Variants in PLCG1 observed in about 807,000 individuals in gnomAD.
PLCG1 encodes the protein phospholipase C gamma 1, also known as 1-phosphatidylinositol 4,5-bisphosphate phosphodiesterase gamma-1.
PLCG1 carries 71 observed loss-of-function variants against 177.8 expected under a neutral mutation model. The observed-to-expected ratio is 0.40, with a 90% CI of 0.33 to 0.49. The LOEUF (loss-of-function observed/expected upper bound fraction) is 0.49, where lower values mean the gene tolerates loss of function less well. PLCG1 is among the 20% of genes least tolerant of loss of function. The pLI is 0.72. For missense variants in PLCG1, 1,281 were observed against 1,709.0 expected, an observed-to-expected ratio of 0.75 and a Z score of 4.42; for synonymous variants, 658 against 647.9, an observed-to-expected ratio of 1.02 and a Z score of -0.24.
In PLCG1 at chr20:41,165,806, C is replaced by T. The variant is rs145745335; in HGVS notation, c.1779C>T (p.Gly593=). Residue 593 remains glycine (G), a synonymous_variant, in exon 16 of 32, where the codon GGC becomes GGT. Transcript: ENST00000685551. The surrounding 1 kb of genome is among the most constrained non-coding windows in gnomAD (Gnocchi z 6.6). ...FLVRESETFV[G]DYTLSFWRNG... is the part of the protein sequence containing the mutation. Reference sequence around the variant, plus strand: ...TGCGAGAGAGTGAGACCTTCGTGGGCGACTACACGCTCTCTTTCTGGTAAC... The same window carrying T: ...TGCGAGAGAGTGAGACCTTCGTGGGTGACTACACGCTCTCTTTCTGGTAAC... 227 of 1,589,854 alleles carry T rather than the reference C, an allele frequency of 1.4e-4. 1 individual carries two copies. The highest frequency in any genetic ancestry group is 8.3e-4 in the Middle Eastern group (5 of 5,992).
In PLCG1 at chr20:41,147,993, T is replaced by A. The variant is rs938005098; in HGVS notation, c.217+10135T>A. ...AGCAAAAAGGGAACAGGAGAGTGGC[T>A]TGGCTTGGGCTGGCATGGCGCAAAG... On this transcript the variant is annotated intron_variant, in intron 1 of 31. Transcript: ENST00000685551. This position sits in a 1 kb window ranked among gnomAD's most constrained non-coding sequence, Gnocchi z 4.0. Among the ~76,000 whole-genome samples, 5 of 152,062 alleles carry A rather than the reference T, an allele frequency of 3.3e-5. No individual in the cohort carries two copies. Among genetic ancestry groups the A allele is most frequent in the African/African-American group, 1.2e-4 (5 of 41,382 alleles).
intron 1 of PLCG1, among the ~76,000 whole-genome samples, chr20:41,138,494 T>C (rs1233086887): frequency 6.6e-6 from 1 of 151,652 alleles, no homozygotes; most frequent in Non-Finnish European, 1.5e-5. Flanking sequence ...TTTTTTTTTT[T>C]TCTGCTACTT....
rs781256647 is a variant in PLCG1, at chr20:41,174,242, A to G, written c.3764A>G (p.Gln1255Arg). The change falls in exon 31 of 32, where the codon CAG becomes CGG. Residue 1255 changes from glutamine to arginine, a missense_variant. This residue lies in a region of PLCG1 where 153 missense variants were observed against 153.2 expected (regional missense o/e 1.00). Transcript: ENST00000685551. This position sits in a 1 kb window ranked among gnomAD's most constrained non-coding sequence, Gnocchi z 5.8. ...GAAGGCTCCTTTGAATCCCGCTACC[A>G]GCAGCCGTTTGAGGACTTCCGCATC... Reference protein sequence around the residue: ...AREGSFESRYQQPFEDFRISQ... With the variant: ...AREGSFESRYRQPFEDFRISQ... The G allele has an allele frequency of 6.2e-7, 1 of 1,614,196 alleles. No individual in the cohort carries two copies. Among genetic ancestry groups the G allele is most frequent in the Non-Finnish European group, 8.5e-7 (1 of 1,180,032 alleles).
Position 41,170,212 on chromosome 20 carries a change from G to A in PLCG1, c.2751G>A (p.Glu917=), listed in dbSNP as rs769884453. ...TGGATGTTGCTGCCGACTCACAGGAGGAGCTGCAGGACTGGGTGAAAAAGA... is the reference window on the plus strand; with the variant it reads ...TGGATGTTGCTGCCGACTCACAGGAAGAGCTGCAGGACTGGGTGAAAAAGA... ...WSLDVAADSQ[E]ELQDWVKKIR... The change falls in exon 24 of 32, where the codon GAG becomes GAA. Residue 917 remains glutamate, a synonymous_variant. Coordinates refer to ENST00000685551, the MANE Select transcript of PLCG1 (RefSeq NM_002660.3). 8.7e-6 allele frequency: 14 copies of A among 1,614,148 alleles called. No homozygotes were observed. Among genetic ancestry groups the A allele is most frequent in the Non-Finnish European group, 1.1e-5 (13 of 1,180,006 alleles).
At chr20:41,162,840 C>T in intron 6 of PLCG1, 115 bp downstream of exon 6, 1 of 1,329,464 alleles carries the variant, frequency 7.5e-7, no homozygotes, top group Non-Finnish European at 1.1e-6. Context: ...TGCCATTTCT[C>T]CAGTTCTTCT....
chr20:41,153,608 T>A lies in PLCG1; in HGVS notation c.218-5998T>A, dbSNP rs955057694. ...AGGGAAAACCCTCTCTGAAGAGAAA[T>A]ATTTCAGACAGGGCATGGTTGCTCA... On this transcript the variant is annotated intron_variant, in intron 1 of 31. Transcript: ENST00000685551. The surrounding 1 kb of genome is among the most constrained non-coding windows in gnomAD (Gnocchi z 5.1). 6.6e-5 allele frequency among the ~76,000 whole-genome samples: 10 copies of A among 152,094 alleles called. No homozygotes were observed. In the East Asian group the frequency reaches 1.9e-3, roughly 29 times the overall value.
In PLCG1 at chr20:41,162,884, C is replaced by G. The variant is rs1439713492; in HGVS notation, c.682-74C>G. 5 of 1,459,848 alleles carry G rather than the reference C, an allele frequency of 3.4e-6. No individual in the cohort carries two copies. In the East Asian group the frequency reaches 1.1e-4, roughly 33 times the overall value. 90.4% of individuals were successfully genotyped at this position (1,459,848 alleles called of 1,614,324 possible). The stretch of plus-strand genomic sequence containing the variant: ...GGCCTGCCCCCATCTGCTGCTCTAG[C>G]CTGCCTTCTTACTAGCCCATTTCCC... On this transcript the variant is annotated intron_variant, in intron 6 of 31. Transcript: ENST00000685551.
intron 22 of PLCG1, 139 bp downstream of exon 22, chr20:41,169,314 T>C: frequency 1.1e-6 from 1 of 916,462 alleles, no homozygotes; most frequent in South Asian, 1.4e-5. Context: ...CATGTGGCCA[T>C]GCACGTAGTC....
rs995698103 is a variant in PLCG1, at chr20:41,166,508, C to G, written c.2033C>G (p.Ala678Gly). The G allele has an allele frequency of 6.2e-7, 1 of 1,614,020 alleles. No individual in the cohort carries two copies. The highest frequency in any genetic ancestry group is 1.3e-5 in the African/African-American group (1 of 74,934). Reference protein sequence around the residue: ...WYHASLTRAQAEHMLMRVPRD... With the variant: ...WYHASLTRAQGEHMLMRVPRD... Reference sequence around the variant, plus strand: ...CACGCGAGCCTGACCAGAGCACAGGCTGAGCACATGCTAATGCGCGTCCCT... The same window carrying G: ...CACGCGAGCCTGACCAGAGCACAGGGTGAGCACATGCTAATGCGCGTCCCT... Residue 678 changes from alanine (A) to glycine (G), a missense_variant, in exon 18 of 32, where the codon GCT (alanine) becomes GGT (glycine). By Grantham distance (60) the Ala-to-Gly change is moderately conservative (BLOSUM62 0). Around this residue, in one of 4 missense-constraint regions of PLCG1, gnomAD observed 723 missense variants for 1,030.0 expected, o/e 0.70. Coordinates refer to ENST00000685551, the MANE Select transcript of PLCG1 (RefSeq NM_002660.3). The surrounding 1 kb of genome is among the most constrained non-coding windows in gnomAD (Gnocchi z 8.6).
intron 20 of PLCG1, among the ~76,000 whole-genome samples, chr20:41,168,207 G>A (rs1306726793): frequency 6.6e-6 from 1 of 152,200 alleles, no homozygotes; most frequent in Non-Finnish European, 1.5e-5. Context: ...CGGGGTAGGA[G>A]CTGGGAGGCA....
In PLCG1 at chr20:41,173,703, T is replaced by C. The variant is rs761555687; in HGVS notation, c.3446T>C (p.Ile1149Thr). The C allele has an allele frequency of 1.2e-6, 2 of 1,614,132 alleles. No homozygotes were observed. The highest frequency in any genetic ancestry group is 1.7e-5 in the Admixed American group (1 of 60,022). ...CCAGCCAAGCCCTTCCACTTCCAGA[T>C]CAGTAACCCTGAATTTGCCTTTCTG... Reference protein sequence around the residue: ...VWPAKPFHFQISNPEFAFLRF... With the variant: ...VWPAKPFHFQTSNPEFAFLRF... The change falls in exon 29 of 32, where the codon ATC becomes ACC. Residue 1149 changes from isoleucine (I) to threonine (T), a missense_variant. This residue lies in a region of PLCG1 where 723 missense variants were observed against 1,030.0 expected (regional missense o/e 0.70). Coordinates refer to ENST00000685551, the MANE Select transcript of PLCG1 (RefSeq NM_002660.3). The surrounding 1 kb of genome is among the most constrained non-coding windows in gnomAD (Gnocchi z 6.2).
Position 41,160,428 on chromosome 20 carries a change from G to GGT in PLCG1, c.512+277_512+278dup, listed in dbSNP as rs1222056977. ...TAGAACTGGCTTTGGGTGTCCTGGA[G>GGT]GTGAGGGTGGCCAGTAGCGTGTGAA... On this transcript the variant is annotated intron_variant, in intron 4 of 31. Coordinates refer to ENST00000685551, the MANE Select transcript of PLCG1 (RefSeq NM_002660.3). The surrounding 1 kb of genome is among the most constrained non-coding windows in gnomAD (Gnocchi z 5.5). Among the ~76,000 whole-genome samples the GGT allele has an allele frequency of 6.6e-6, 1 of 152,080 alleles. No individual in the cohort carries two copies. Among genetic ancestry groups the GGT allele is most frequent in the Non-Finnish European group, 1.5e-5 (1 of 68,012 alleles).
In PLCG1 at chr20:41,166,581, T is replaced by C. The variant is rs758940780; in HGVS notation, c.2106T>C (p.Tyr702=). 16 of 1,614,092 alleles carry C rather than the reference T, an allele frequency of 9.9e-6. No homozygotes were observed. The Admixed American group carries it at 1.8e-4, about 18-fold the overall frequency. The change falls in exon 18 of 32, where the codon TAT becomes TAC. Residue 702 remains tyrosine, a synonymous_variant. Transcript: ENST00000685551. This position sits in a 1 kb window ranked among gnomAD's most constrained non-coding sequence, Gnocchi z 8.6. ...LVRKRNEPNS[Y]AISFRAEGKI... Reference sequence around the variant, plus strand: ...GGAAGCGGAATGAACCCAACTCATATGCCATCTCTTTCCGGTGAGGGGTGT... The same window carrying C: ...GGAAGCGGAATGAACCCAACTCATACGCCATCTCTTTCCGGTGAGGGGTGT...
chr20:41,174,023 A>G lies in PLCG1; in HGVS notation c.3645+12A>G. ...TTTTCCCTGCCAAGGTATCTGCAGC[A>G]GGGGTGGGCTGGCCTGGGGTAGGTG... On this transcript the variant is annotated intron_variant, in intron 30 of 31. Coordinates refer to ENST00000685551, the MANE Select transcript of PLCG1 (RefSeq NM_002660.3). This position sits in a 1 kb window ranked among gnomAD's most constrained non-coding sequence, Gnocchi z 5.8. 2.5e-6 allele frequency: 4 copies of G among 1,613,078 alleles called. No individual in the cohort carries two copies. Among genetic ancestry groups the G allele is most frequent in the Admixed American group, 1.7e-5 (1 of 60,028 alleles).
chr20:41,138,798 G>A (rs1231418599), intron 1 of PLCG1, among the ~76,000 whole-genome samples: 4 of 152,168 alleles, frequency 2.6e-5, no homozygotes, highest in Admixed American at 1.3e-4. Context: ...GTGGGAGGAG[G>A]GAGTTGGGGG....
chr20:41,144,899 G>A lies in PLCG1; in HGVS notation c.217+7041G>A, dbSNP rs2034950330. Among the ~76,000 whole-genome samples, 1 of 152,096 alleles carries A rather than the reference G, an allele frequency of 6.6e-6. No homozygotes were observed. Among genetic ancestry groups the A allele is most frequent in the African/African-American group, 2.4e-5 (1 of 41,396 alleles). On this transcript the variant is annotated intron_variant, in intron 1 of 31. Coordinates refer to ENST00000685551, the MANE Select transcript of PLCG1 (RefSeq NM_002660.3). This position sits in a 1 kb window ranked among gnomAD's most constrained non-coding sequence, Gnocchi z 4.1. Reference sequence around the variant, plus strand: ...AAACTAGCTTTCTTGGGCCTCAGTGGCTCATTGAATAAGTGAGAGACGACT... The same window carrying A: ...AAACTAGCTTTCTTGGGCCTCAGTGACTCATTGAATAAGTGAGAGACGACT...
Position 41,172,537 on chromosome 20 carries a change from C to T in PLCG1, c.3022C>T (p.Leu1008Phe). 1 of 1,614,166 alleles carries T rather than the reference C, an allele frequency of 6.2e-7. No individual in the cohort carries two copies. Among genetic ancestry groups the T allele is most frequent in the Non-Finnish European group, 8.5e-7 (1 of 1,179,962 alleles). The change falls in exon 26 of 32, where the codon CTC becomes TTC. Residue 1008 changes from leucine to phenylalanine, a missense_variant. This residue lies in a region of PLCG1 where 723 missense variants were observed against 1,030.0 expected (regional missense o/e 0.70). Transcript: ENST00000685551. The surrounding 1 kb of genome is among the most constrained non-coding windows in gnomAD (Gnocchi z 7.0). The stretch of plus-strand genomic sequence containing the variant: ...GTTCCTTCAGTACAATCGACTGCAG[C>T]TCTCCCGCATCTACCCCAAGGGCCA... ...KKFLQYNRLQ[L>F]SRIYPKGQRL...
At chr20:41,168,977 C>A in intron 21 of PLCG1, 102 bp from the exon 22 acceptor site, 2 of 1,155,504 alleles carry the variant, frequency 1.7e-6, no homozygotes, top group Non-Finnish European at 2.6e-6. Context: ...CCAGCAGTGC[C>A]TGCCTCACCC....
chr20:41,142,393 G>A (rs748047168), intron 1 of PLCG1, among the ~76,000 whole-genome samples: 19 of 152,358 alleles, frequency 1.2e-4, no homozygotes, highest in Non-Finnish European at 2.1e-4. Context: ...GGGAGTCAGC[G>A]GAGGCTGTTG....
Sources: allele counts gnomAD v4.1 joint callset (sites outside exome capture counted in the v4.1 genomes callset), GRCh38; gene constraint gnomAD v4.1.1; regional missense constraint gnomAD v4.1.1; non-coding constraint Gnocchi (gnomAD v3.1); transcripts MANE v1.5; gene names NCBI Gene and HGNC (gene_info 2026-07-23, HGNC 2026-07-21).